The following COLEC12 variants were observed in gnomAD, a reference collection of about 807,000 sequenced individuals.
COLEC12 encodes the protein collectin-12.
COLEC12 carries 33 observed loss-of-function variants against 71.1 expected under a neutral mutation model. The observed-to-expected ratio is 0.46, with a 90% CI of 0.35 to 0.62. The LOEUF (loss-of-function observed/expected upper bound fraction) is 0.62, where lower values mean the gene tolerates loss of function less well. COLEC12 is among the 20% of genes least tolerant of loss of function. COLEC12 has a pLI of 0.00. For missense variants in COLEC12, 765 were observed against 916.1 expected (o/e 0.84, Z 2.13); for synonymous variants, 350 against 353.0 (o/e 0.99, Z 0.10).
intron 2 of COLEC12, among the ~76,000 whole-genome samples, chr18:447,350 T>G (rs1246075812): frequency 6.6e-6 from 1 of 152,196 alleles, no homozygotes; most frequent in Non-Finnish European, 1.5e-5. Context: ...CAGAGGCAAT[T>G]GGACATCCCT....
chr18:435,272 G>C (rs895912365), intron 2 of COLEC12, among the ~76,000 whole-genome samples: 3 of 152,212 alleles, frequency 2.0e-5, no homozygotes, highest in African/African-American at 7.2e-5. Flanking sequence ...ATAAAGGAAA[G>C]AGGTTTAATT....
Position 357,040 on chromosome 18 carries a change from C to T in COLEC12, c.181+360G>A, listed in dbSNP as rs921540214. Among the ~76,000 whole-genome samples the T allele has an allele frequency of 2.6e-5, 4 of 152,090 alleles. No individual in the cohort carries two copies. In the East Asian group the frequency reaches 7.7e-4, roughly 29 times the overall value. Reference sequence around the variant, plus strand: ...GCTTATTCTCTGTCAATATAGTTTTCCTGTGTGCTGACTCCAGGGTTTCCA... The same window carrying T: ...GCTTATTCTCTGTCAATATAGTTTTTCTGTGTGCTGACTCCAGGGTTTCCA... On this transcript the variant is annotated intron_variant, in intron 3 of 9. Coordinates refer to ENST00000400256, the MANE Select transcript of COLEC12 (RefSeq NM_130386.3).
At chr18:389,917 G>A (rs1915426452) in intron 2 of COLEC12, among the ~76,000 whole-genome samples, 1 of 152,138 alleles carries the variant, frequency 6.6e-6, no homozygotes, top group Admixed American at 6.5e-5. Context: ...GGCCACAAAG[G>A]CAAATTCATT....
intron 2 of COLEC12, among the ~76,000 whole-genome samples, chr18:406,580 T>A (rs1915794823): frequency 6.7e-6 from 1 of 150,350 alleles, no homozygotes; most frequent in African/African-American, 2.5e-5. Context: ...GTGTATAAAG[T>A]AGCCATTATT....
chr18:410,622 A>C (rs1915874439), intron 2 of COLEC12, among the ~76,000 whole-genome samples: 1 of 151,896 alleles, frequency 6.6e-6, no homozygotes, highest in Admixed American at 6.6e-5. Context: ...ACGGCGTTTC[A>C]CCATGTTGCC....
At chr18:407,122 C>T (rs1915806843) in intron 2 of COLEC12, among the ~76,000 whole-genome samples, 1 of 152,234 alleles carries the variant, frequency 6.6e-6, no homozygotes, top group Non-Finnish European at 1.5e-5. Flanking sequence ...GCCACATCTG[C>T]CCTGTGTCAG....
intron 2 of COLEC12, among the ~76,000 whole-genome samples, chr18:420,617 G>A (rs1416231570): frequency 6.6e-6 from 1 of 152,192 alleles, no homozygotes; most frequent in African/African-American, 2.4e-5. Flanking sequence ...GTAACTTAAG[G>A]ACTGTGTAAA....
In COLEC12 at chr18:333,065, T is replaced by A; in HGVS notation, c.1895A>T (p.Lys632Met). Residue 632 changes from lysine (K) to methionine (M), a missense_variant, in exon 7 of 10, where the codon AAG becomes ATG. Transcript: ENST00000400256. ...TGAAGACTTGTCTTCACAGAAAAGCTTTGCATCCTCAAAAATTTCTTTCTC... is the reference window on the plus strand; with the variant it reads ...TGAAGACTTGTCTTCACAGAAAAGCATTGCATCCTCAAAAATTTCTTTCTC... The part of the protein sequence containing the change: ...SVEKEIFEDA[K>M]LFCEDKSSHL... 1 of 1,612,784 alleles carries A rather than the reference T, an allele frequency of 6.2e-7. No homozygotes were observed. The highest frequency in any genetic ancestry group is 8.5e-7 in the Non-Finnish European group (1 of 1,179,510).
At chr18:464,156 C>T (rs184279247) in intron 2 of COLEC12, among the ~76,000 whole-genome samples, 138 of 152,332 alleles carry the variant, frequency 9.1e-4, no homozygotes, top group Admixed American at 2.7e-3. Context: ...ATCTTTACCA[C>T]AAACCTCCAC....
At chr18:422,934 A>C (rs115307174) in intron 2 of COLEC12, among the ~76,000 whole-genome samples, 2,260 of 152,332 alleles carry the variant, frequency 0.015, 57 homozygotes, top group African/African-American at 0.052. Flanking sequence ...CCAGCCCAAG[A>C]AGCTTTCTCT....
At chr18:376,979 C>A (rs1014445272) in intron 2 of COLEC12, among the ~76,000 whole-genome samples, 1 of 152,180 alleles carries the variant, frequency 6.6e-6, no homozygotes, top group African/African-American at 2.4e-5. Flanking sequence ...TATAAAGGGA[C>A]TTTTCTGCAC....
At chr18:363,212 G>A (rs1914785204) in intron 2 of COLEC12, among the ~76,000 whole-genome samples, 1 of 151,920 alleles carries the variant, frequency 6.6e-6, no homozygotes, top group South Asian at 2.1e-4. Context: ...AATCCAGTCT[G>A]TTTTTCCGAT....
chr18:436,002 A>G (rs1218592464), intron 2 of COLEC12, among the ~76,000 whole-genome samples: 1 of 152,216 alleles, frequency 6.6e-6, no homozygotes, highest in African/African-American at 2.4e-5. Context: ...GTCTCTGGAG[A>G]GAATTTAAGT....
At chr18:476,875 G>A (rs28418336) in intron 2 of COLEC12, among the ~76,000 whole-genome samples, 2,641 of 152,288 alleles carry the variant, frequency 0.017, 62 homozygotes, top group African/African-American at 0.061. Context: ...TCTGCATACT[G>A]AGGCCAAGAA....
intron 2 of COLEC12, among the ~76,000 whole-genome samples, chr18:458,645 C>A (rs189776965): frequency 1.8e-4 from 27 of 152,380 alleles, no homozygotes; most frequent in Non-Finnish European, 2.1e-4. Flanking sequence ...GGACAGACCA[C>A]CTGTTCAAAA....
chr18:347,566 T>C (rs1198654146), intron 4 of COLEC12, among the ~76,000 whole-genome samples: 1 of 152,100 alleles, frequency 6.6e-6, no homozygotes, highest in Non-Finnish European at 1.5e-5. Flanking sequence ...TGGCTGAACA[T>C]TTTTCTCAAA....
intron 1 of COLEC12, among the ~76,000 whole-genome samples, chr18:497,144 G>A (rs1233861754): frequency 4.6e-5 from 7 of 152,194 alleles, no homozygotes. Context: ...CAGGGATGGA[G>A]GAAATGGATG....
intron 2 of COLEC12, among the ~76,000 whole-genome samples, chr18:434,029 TAA>T (rs1486497546): frequency 1.3e-5 from 2 of 149,788 alleles, no homozygotes; most frequent in African/African-American, 4.9e-5. Context: ...CAAACATAAT[TAA>T]GAGAGAGAAA....
chr18:424,109 T>C (rs1381022642), intron 2 of COLEC12: 3 of 152,234 alleles, frequency 2.0e-5, no homozygotes, highest in African/African-American at 4.8e-5. Flanking sequence ...CATTTTTCTA[T>C]GTGGAATGAA....
Sources: gnomAD v4.1 joint callset for allele counts (sites outside exome capture counted in the v4.1 genomes callset) on GRCh38, gnomAD v4.1.1 for gene constraint, MANE v1.5 for transcripts, NCBI Gene and HGNC (gene_info 2026-07-23, HGNC 2026-07-21) for gene names.